FBXO25: variants seen among roughly 807,000 people sequenced by gnomAD.
FBXO25 encodes the protein F-box only protein 25.
A neutral mutation model predicts 51.9 loss-of-function variants in FBXO25; 45 were observed. The observed-to-expected ratio is 0.87, with a 90% CI of 0.68 to 1.11. The LOEUF is 1.11. Ranked by LOEUF, FBXO25 falls within the 50% of genes most tolerant of loss-of-function variation. FBXO25 has a pLI of 0.00. For synonymous variants in FBXO25, 199 were observed against 151.0 expected, an observed-to-expected ratio of 1.32 and a Z score of -2.33; for missense variants, 507 against 428.5, an observed-to-expected ratio of 1.18 and a Z score of -1.62.
At chr8:445,601 C>G (rs1039632882) in intron 5 of FBXO25, among the ~76,000 whole-genome samples, 1 of 152,096 alleles carries the variant, frequency 6.6e-6, no homozygotes, top group Non-Finnish European at 1.5e-5. Flanking sequence ...GCCTATAATC[C>G]CAGCACTTTG....
chr8:407,221 T>A (rs1346196174), intron 1 of FBXO25, among the ~76,000 whole-genome samples, 155 bp downstream of exon 1: 3 of 76,388 alleles, frequency 3.9e-5, no homozygotes, highest in Non-Finnish European at 7.8e-5. Flanking sequence ...GGGGAAGACA[T>A]GGGGTCGCGA....
intron 3 of FBXO25, among the ~76,000 whole-genome samples, chr8:432,039 T>G (rs1797848481): frequency 6.6e-6 from 1 of 152,200 alleles, no homozygotes; most frequent in Non-Finnish European, 1.5e-5. Context: ...TAATAAAGTT[T>G]AATTTATAAA....
chr8:407,507 G>C, intron 1 of FBXO25: 1 of 924,994 alleles, frequency 1.1e-6, no homozygotes, highest in Non-Finnish European at 1.3e-6. Flanking sequence ...CAGGTGCACC[G>C]CGCGTCCTCA....
chr8:477,401 ATTC>A lies in FBXO25; in HGVS notation c.*8599_*8601del, dbSNP rs1218552811. ...GTAGAACTATCCATTTCTTCCTTTG[ATTC>A]TGTCAATGTTTGTTTCATATATTTT... On this transcript the variant is annotated 3_prime_UTR_variant, in exon 10 of 10. Coordinates refer to ENST00000350302, the MANE Select transcript of FBXO25 (RefSeq NM_183420.2). The A allele has an allele frequency of 6.6e-6, 1 of 152,170 alleles. No homozygotes were observed. Among genetic ancestry groups the A allele is most frequent in the Non-Finnish European group, 1.5e-5 (1 of 68,038 alleles). 9.4% of individuals were successfully genotyped at this position (152,170 alleles called of 1,614,324 possible).
At chr8:453,935 C>T (rs959545308) in intron 7 of FBXO25, among the ~76,000 whole-genome samples, 4 of 152,046 alleles carry the variant, frequency 2.6e-5, no homozygotes, top group Admixed American at 6.5e-5. Context: ...ACCAGCCTGG[C>T]CAGCATGGTG....
At position 471,538 on chromosome 8, in the gene FBXO25, G is replaced by C. The variant is rs986449087; in HGVS notation, c.*2734G>C. ...TCAGGACCCCAGGAGCCTAAAGCCA[G>C]GTAGTAAGTTTCACTTGCCCATCGC... On this transcript the variant is annotated 3_prime_UTR_variant, in exon 10 of 10. Coordinates refer to ENST00000350302, the MANE Select transcript of FBXO25 (RefSeq NM_183420.2). 2.6e-5 allele frequency: 4 copies of C among 152,194 alleles called. No individual in the cohort carries two copies. The highest frequency in any genetic ancestry group is 4.8e-5 in the African/African-American group (2 of 41,442). 9.4% of individuals were successfully genotyped at this position (152,194 alleles called of 1,614,324 possible).
At chr8:434,025 T>G (rs1797965514) in intron 4 of FBXO25, among the ~76,000 whole-genome samples, 1 of 152,214 alleles carries the variant, frequency 6.6e-6, no homozygotes, top group South Asian at 2.1e-4. Context: ...GAACAGAGGA[T>G]CCCATCCAAG....
intron 2 of FBXO25, among the ~76,000 whole-genome samples, chr8:428,037 A>G (rs550838755): frequency 4.0e-4 from 61 of 152,286 alleles, no homozygotes; most frequent in South Asian, 8.3e-4. Flanking sequence ...GTCATCACTA[A>G]AATGAGGATT....
In FBXO25 at chr8:474,604, T is replaced by G; in HGVS notation, c.*5800T>G. The stretch of plus-strand genomic sequence containing the variant: ...TGTGAAGTGGTATCCTGCTGAGATT[T>G]TGATTTGCATTTCCGTAATGACTGG... On this transcript the variant is annotated 3_prime_UTR_variant, in exon 10 of 10. Transcript: ENST00000350302. 1 of 397,468 alleles carries G rather than the reference T, an allele frequency of 2.5e-6. No homozygotes were observed. The highest frequency in any genetic ancestry group is 4.9e-6 in the Non-Finnish European group (1 of 203,644). 24.6% of individuals were successfully genotyped at this position (397,468 alleles called of 1,614,324 possible).
Position 475,553 on chromosome 8 carries a change from G to A in FBXO25, c.*6749G>A, listed in dbSNP as rs1199235251. ...CTTAAGGTATCCAATCCATAAACACGGGATTGCTTTCTATTTATTTGTGTT... is the reference window on the plus strand; with the variant it reads ...CTTAAGGTATCCAATCCATAAACACAGGATTGCTTTCTATTTATTTGTGTT... On this transcript the variant is annotated 3_prime_UTR_variant, in exon 10 of 10. Coordinates refer to ENST00000350302, the MANE Select transcript of FBXO25 (RefSeq NM_183420.2). 4 of 152,064 alleles carry A rather than the reference G, an allele frequency of 2.6e-5. No homozygotes were observed. The highest frequency in any genetic ancestry group is 7.2e-5 in the African/African-American group (3 of 41,412). 9.4% of individuals were successfully genotyped at this position (152,064 alleles called of 1,614,324 possible). A position where few individuals can be genotyped will look rare whatever the true frequency, so the allele number is the denominator to read the frequency against.
intron 9 of FBXO25, chr8:468,378 C>T (rs1396292519): frequency 3.0e-6 from 2 of 663,544 alleles, no homozygotes; most frequent in Non-Finnish European, 3.7e-6. Flanking sequence ...GACAGAAAGT[C>T]CCCAGTGGTT....
At chr8:434,946 C>G (rs1223615677) in intron 4 of FBXO25, among the ~76,000 whole-genome samples, 1 of 152,068 alleles carries the variant, frequency 6.6e-6, no homozygotes, top group East Asian at 1.9e-4. Context: ...GTTTTGGGTT[C>G]TTGGCATCCG....
At chr8:426,890 T>C (rs140216038) in intron 2 of FBXO25, among the ~76,000 whole-genome samples, 1,639 of 152,220 alleles carry the variant, frequency 0.011, 8 homozygotes, top group African/African-American at 0.037. Context: ...CGTAAGTGTG[T>C]CGTGTTAGAT....
intron 1 of FBXO25, among the ~76,000 whole-genome samples, chr8:411,478 G>C (rs17737960): frequency 0.059 from 8,956 of 151,834 alleles, 280 homozygotes; most frequent in Middle Eastern, 0.082. Flanking sequence ...GATATTATTT[G>C]TGTGGTTTTG....
chr8:421,772 C>T (rs1244362079), intron 2 of FBXO25, among the ~76,000 whole-genome samples: 1 of 152,060 alleles, frequency 6.6e-6, no homozygotes, highest in African/African-American at 2.4e-5. Context: ...GGGTTGGTTC[C>T]AGGGCTGGGA....
chr8:452,050 T>G (rs571313903), intron 7 of FBXO25, among the ~76,000 whole-genome samples: 1 of 152,340 alleles, frequency 6.6e-6, no homozygotes, highest in South Asian at 2.1e-4. Flanking sequence ...CGAAGATATA[T>G]CTTAGCGGTG....
chr8:416,304 A>C (rs1181858158), intron 2 of FBXO25, among the ~76,000 whole-genome samples: 1 of 152,194 alleles, frequency 6.6e-6, no homozygotes, highest in Admixed American at 6.5e-5. Flanking sequence ...CCATCTTTTC[A>C]AAACAACCGG....
intron 2 of FBXO25, among the ~76,000 whole-genome samples, chr8:416,759 TA>T (rs757015476): frequency 1.3e-5 from 2 of 152,212 alleles, no homozygotes; most frequent in Non-Finnish European, 2.9e-5. Flanking sequence ...CACAATATAT[TA>T]AGGATTTACT....
intron 2 of FBXO25, among the ~76,000 whole-genome samples, chr8:425,126 G>GC (rs1434847895): frequency 2.0e-5 from 3 of 151,090 alleles, no homozygotes; most frequent in African/African-American, 4.9e-5. Context: ...TCCCAGAAGC[G>GC]CCCCCCGCCC....
Sources: gnomAD v4.1 joint callset for allele counts (sites outside exome capture counted in the v4.1 genomes callset) on GRCh38, gnomAD v4.1.1 for gene constraint, MANE v1.5 for transcripts, NCBI Gene and HGNC (gene_info 2026-07-23, HGNC 2026-07-21) for gene names.